Variants in SIPA1L1 observed in about 807,000 individuals in gnomAD.
SIPA1L1 encodes the protein signal-induced proliferation-associated 1-like protein 1.
In SIPA1L1, 26 loss-of-function variants were observed where a neutral mutation model predicts 162.7. The observed-to-expected ratio is 0.16, with a 90% confidence interval of 0.12 to 0.22. SIPA1L1 has a LOEUF of 0.22. Among genes scored for constraint, SIPA1L1 ranks in the 10% least tolerant of loss-of-function variants. The pLI is 1.00. For synonymous variants in SIPA1L1, 829 were observed against 837.4 expected, an observed-to-expected ratio of 0.99 and a Z score of 0.17; for missense variants, 1,874 against 2,241.0, an observed-to-expected ratio of 0.84 and a Z score of 3.31.
rs143470367 is a variant in SIPA1L1, at chr14:71,581,436, G to C, written c.-302-6135G>C. Among the ~76,000 whole-genome samples the C allele has an allele frequency of 5.4e-3, 823 of 152,182 alleles. 12 individuals carry two copies. The highest frequency in any genetic ancestry group is 0.019 in the African/African-American group (781 of 41,532). On this transcript the variant is annotated intron_variant, in intron 4 of 23. Transcript: ENST00000381232. The stretch of plus-strand genomic sequence containing the variant: ...TTAATTATAGAATGCTTTTTCTGTG[G>C]GTTTCTTGAATTTGAGCATAGTTTG...
rs933242415 is a variant in SIPA1L1 at position 71,738,105 on chromosome 14, G to A, written c.5124-136G>A. 25 of 514,566 alleles carry A rather than the reference G, an allele frequency of 4.9e-5. No homozygotes were observed. The Admixed American group carries it at 6.2e-4, about 13-fold the overall frequency. 31.9% of individuals were successfully genotyped at this position (514,566 alleles called of 1,614,324 possible). A position where few individuals can be genotyped will look rare whatever the true frequency, so the allele number is the denominator to read the frequency against. ...TTAAAGTAAAAATACTCATTGGGTC[G>A]CCATACTGAGTAATTTGACATTGAA... On this transcript the variant is annotated intron_variant, in intron 22 of 23. Transcript: ENST00000381232.
At chr14:71,354,311 G>A (rs1234241759) in intron 2 of SIPA1L1, among the ~76,000 whole-genome samples, 2 of 146,602 alleles carry the variant, frequency 1.4e-5, no homozygotes, top group African/African-American at 5.1e-5. Flanking sequence ...ATGGAGTCAC[G>A]CTCTGTTGCC....
chr14:71,652,124 A>T (rs536278962), intron 8 of SIPA1L1, among the ~76,000 whole-genome samples: 13 of 152,300 alleles, frequency 8.5e-5, no homozygotes, highest in African/African-American at 3.1e-4. Flanking sequence ...AAAAGTAGGG[A>T]AGTATTCCTA....
At position 71,521,558 on chromosome 14, in the gene SIPA1L1, A is replaced by G. The variant is rs564897340; in HGVS notation, c.-361-7754A>G. ...ATGGCCTACTTCATAGTAGAAGGAC[A>G]GGAGAAGGTTGCTTCTGTGGTTTTC... On this transcript the variant is annotated intron_variant, in intron 3 of 23. Coordinates refer to ENST00000381232, the MANE Select transcript of SIPA1L1 (RefSeq NM_001386936.1). Among the ~76,000 whole-genome samples, 9 of 152,354 alleles carry G rather than the reference A, an allele frequency of 5.9e-5. 1 individual carries two copies. In the South Asian group the frequency reaches 1.9e-3, roughly 32 times the overall value.
chr14:71,701,499 A>G (rs2082100164), intron 14 of SIPA1L1, among the ~76,000 whole-genome samples: 1 of 151,876 alleles, frequency 6.6e-6, no homozygotes, highest in Non-Finnish European at 1.5e-5. Flanking sequence ...TACAGGCGTG[A>G]GCCACTGCTC....
intron 4 of SIPA1L1, among the ~76,000 whole-genome samples, chr14:71,561,867 G>A (rs986158836): frequency 6.6e-5 from 10 of 152,172 alleles, no homozygotes; most frequent in East Asian, 3.9e-4. Context: ...GATTACTGGC[G>A]TGAGCCACCA....
intron 2 of SIPA1L1, among the ~76,000 whole-genome samples, chr14:71,349,029 C>T (rs1388409726): frequency 6.6e-6 from 1 of 152,174 alleles, no homozygotes; most frequent in African/African-American, 2.4e-5. Context: ...GTGGTCAGTA[C>T]TACTGTTAGC....
rs928165356 is a variant in SIPA1L1, at chr14:71,732,905, G to A, written c.4862-761G>A. 1.1e-4 allele frequency among the ~76,000 whole-genome samples: 16 copies of A among 152,218 alleles called. No individual in the cohort carries two copies. The East Asian group carries it at 1.9e-3, about 18-fold the overall frequency. On this transcript the variant is annotated intron_variant, in intron 20 of 23. Transcript: ENST00000381232. ...GGGCCTTCTGTCCCTTACCACTCCCGGGCCAGATAAAAATAAACCCTATTA... is the reference window on the plus strand; with the variant it reads ...GGGCCTTCTGTCCCTTACCACTCCCAGGCCAGATAAAAATAAACCCTATTA...
chr14:71,408,895 C>G (rs776417517), intron 2 of SIPA1L1, among the ~76,000 whole-genome samples: 4 of 152,124 alleles, frequency 2.6e-5, no homozygotes, highest in Non-Finnish European at 5.9e-5. Context: ...AGGCAGTGGG[C>G]TTAACCTTTT....
At chr14:71,552,496 A>G (rs1326541402) in intron 4 of SIPA1L1, among the ~76,000 whole-genome samples, 1 of 150,872 alleles carries the variant, frequency 6.6e-6, no homozygotes, top group Non-Finnish European at 1.5e-5. Context: ...GGTTCACGAC[A>G]TTCTCCTGCC....
intron 2 of SIPA1L1, among the ~76,000 whole-genome samples, chr14:71,376,386 T>A (rs201118084): frequency 6.6e-6 from 1 of 152,114 alleles, no homozygotes; most frequent in East Asian, 1.9e-4. Context: ...TTTACTTTGA[T>A]TAGCAAATTG....
intron 2 of SIPA1L1, among the ~76,000 whole-genome samples, chr14:71,403,427 G>A (rs962778367): frequency 2.6e-5 from 4 of 151,648 alleles, no homozygotes; most frequent in African/African-American, 7.3e-5. Flanking sequence ...TTGAAACCCC[G>A]TCTCTACTAA....
rs1000364296 is a variant in SIPA1L1, at chr14:71,415,702, A to AT, written c.-465+94534dup. ...AGTGCAGTTCTCAAATGTCTTAATT[A>AT]TTTTTTTTTTTTTGAGATGGGATCT... On this transcript the variant is annotated intron_variant, in intron 2 of 23. Coordinates refer to ENST00000381232, the MANE Select transcript of SIPA1L1 (RefSeq NM_001386936.1). Among the ~76,000 whole-genome samples, 310 of 144,368 alleles carry AT rather than the reference A, an allele frequency of 2.1e-3. 1 individual carries two copies. Among genetic ancestry groups the AT allele is most frequent in the Non-Finnish European group, 3.1e-3 (203 of 65,382 alleles). 94.7% of individuals were successfully genotyped at this position (144,368 alleles called of 152,430 possible).
intron 23 of SIPA1L1, 137 bp from the exon 24 acceptor site, chr14:71,738,881 C>G (rs1489359609): frequency 1.1e-6 from 1 of 943,760 alleles, no homozygotes. Context: ...TGATACCAGT[C>G]CGTTTAGACA....
At chr14:71,606,367 G>T (rs1872379919) in intron 5 of SIPA1L1, among the ~76,000 whole-genome samples, 1 of 152,188 alleles carries the variant, frequency 6.6e-6, no homozygotes, top group Non-Finnish European at 1.5e-5. Flanking sequence ...GGTGGTAGCA[G>T]TTTGCTGTGG....
intron 4 of SIPA1L1, chr14:71,575,062 A>G (rs2032785504): frequency 6.6e-6 from 1 of 152,198 alleles, no homozygotes; most frequent in African/African-American, 2.4e-5. Flanking sequence ...CGGAACCATG[A>G]TATAAATAAA....
At chr14:71,397,045 C>A (rs998440041) in intron 2 of SIPA1L1, among the ~76,000 whole-genome samples, 1 of 152,160 alleles carries the variant, frequency 6.6e-6, no homozygotes, top group African/African-American at 2.4e-5. Context: ...GGACCGGCCT[C>A]TGTGTGGCTA....
chr14:71,531,151 T>C (rs571935120), intron 4 of SIPA1L1, among the ~76,000 whole-genome samples: 10 of 152,324 alleles, frequency 6.6e-5, no homozygotes, highest in African/African-American at 2.4e-4. Flanking sequence ...AGGATACTTA[T>C]AGATCAATTG....
Position 71,529,309 on chromosome 14 carries a change from C to T in SIPA1L1, c.-361-3C>T. The T allele has an allele frequency of 4.9e-6, 3 of 612,996 alleles. No homozygotes were observed. Among genetic ancestry groups the T allele is most frequent in the Non-Finnish European group, 8.7e-6 (3 of 343,286 alleles). The allele number at this position is 612,996 out of a possible 1,614,324, so 38.0% of individuals were successfully genotyped here. ...CCAGGTTTTTTTTCTAATTTTATTT[C>T]AGGTTATACCTTATTGGTGTGGACG... On this transcript the variant is annotated splice_polypyrimidine_tract_variant and splice_region_variant and intron_variant, in intron 3 of 23. Transcript: ENST00000381232.
Sources: allele counts gnomAD v4.1 joint callset (sites outside exome capture counted in the v4.1 genomes callset), GRCh38; gene constraint gnomAD v4.1.1; transcripts MANE v1.5; gene names NCBI Gene and HGNC (gene_info 2026-07-23, HGNC 2026-07-21).